The following CREB3L2 variants were observed in gnomAD, a reference collection of about 807,000 sequenced individuals.
CREB3L2 encodes the protein cyclic AMP-responsive element-binding protein 3-like protein 2.
A neutral mutation model predicts 57.2 loss-of-function variants in CREB3L2; 23 were observed. That is an observed-to-expected ratio of 0.40 (90% confidence interval 0.29 to 0.57). The LOEUF is 0.57. Among genes scored for constraint, CREB3L2 ranks in the 20% least tolerant of loss-of-function variants. The pLI, the probability that CREB3L2 is intolerant of heterozygous loss-of-function variation, is 0.42. For missense variants in CREB3L2, 628 were observed against 634.7 expected, an observed-to-expected ratio of 0.99 and a Z score of 0.11; for synonymous variants, 268 against 265.1, an observed-to-expected ratio of 1.01 and a Z score of -0.11.
At chr7:137,898,405 C>G (rs1426540490) in intron 8 of CREB3L2, among the ~76,000 whole-genome samples, 1 of 152,216 alleles carries the variant, frequency 6.6e-6, no homozygotes, top group Non-Finnish European at 1.5e-5. Flanking sequence ...AATCCCTCTG[C>G]TGGTATATAC....
At chr7:137,982,155 C>T (rs1281296312) in intron 1 of CREB3L2, among the ~76,000 whole-genome samples, 3 of 152,122 alleles carry the variant, frequency 2.0e-5, no homozygotes, top group Non-Finnish European at 4.4e-5. Flanking sequence ...GTCAGCAAAC[C>T]TTTTGAAAAT....
chr7:137,979,286 A>C (rs1449324348), intron 1 of CREB3L2, among the ~76,000 whole-genome samples: 6 of 152,148 alleles, frequency 3.9e-5, no homozygotes. Context: ...TTTTCCTTTT[A>C]GCCTGATTTT....
At chr7:137,894,401 T>A (rs1416013561) in intron 8 of CREB3L2, among the ~76,000 whole-genome samples, 1 of 152,154 alleles carries the variant, frequency 6.6e-6, no homozygotes, top group Non-Finnish European at 1.5e-5. Flanking sequence ...CTTCTATAAA[T>A]AAGGCTAAAT....
intron 1 of CREB3L2, among the ~76,000 whole-genome samples, chr7:137,977,824 G>C (rs2117310529): frequency 6.6e-6 from 1 of 152,198 alleles, no homozygotes; most frequent in Non-Finnish European, 1.5e-5. Context: ...GGGAGGCTGA[G>C]GCATGAGAAC....
chr7:137,952,666 AGAAG>A (rs1801124904), intron 1 of CREB3L2, among the ~76,000 whole-genome samples: 1 of 152,128 alleles, frequency 6.6e-6, no homozygotes, highest in African/African-American at 2.4e-5. Context: ...TACCACACCT[AGAAG>A]GAAGTGCTCA....
intron 1 of CREB3L2, among the ~76,000 whole-genome samples, chr7:137,993,606 A>C (rs1201050027): frequency 1.3e-5 from 2 of 152,034 alleles, no homozygotes; most frequent in Admixed American, 6.6e-5. Flanking sequence ...TGTAAACTCA[A>C]CCTCCTGGGC....
At chr7:137,887,686 G>A (rs1799449516) in intron 8 of CREB3L2, among the ~76,000 whole-genome samples, 1 of 151,702 alleles carries the variant, frequency 6.6e-6, no homozygotes, top group Non-Finnish European at 1.5e-5. Context: ...TCCAGCCCAG[G>A]CAACAGTGCG....
rs182307819 is a variant in CREB3L2 at position 137,885,319 on chromosome 7, C to A, written c.1143+84G>T. ...CCATGTGGTTTCTCCTACAGCACAG[C>A]ACTTGGCCTTGGCAAGTGGAGGGAG... On this transcript the variant is annotated intron_variant, in intron 9 of 11. Coordinates refer to ENST00000330387, the MANE Select transcript of CREB3L2 (RefSeq NM_194071.4). The A allele has an allele frequency of 5.2e-4, 672 of 1,300,996 alleles. 1 individual carries two copies. In the African/African-American group the frequency reaches 5.8e-3, roughly 11 times the overall value. 80.6% of individuals were successfully genotyped at this position (1,300,996 alleles called of 1,614,324 possible).
chr7:137,878,279 G>T lies in CREB3L2; in HGVS notation c.*2197C>A, dbSNP rs567365121. The T allele has an allele frequency of 3.0e-5, 7 of 232,886 alleles. No homozygotes were observed. Among genetic ancestry groups the T allele is most frequent in the Admixed American group, 2.3e-4 (4 of 17,770 alleles). 14.4% of individuals were successfully genotyped at this position (232,886 alleles called of 1,614,324 possible). ...CTGGGAGCCTTGAAAACCCAGTCTGGTTCAGTTGCAGCAGGTACATGGGTT... is the reference window on the plus strand; with the variant it reads ...CTGGGAGCCTTGAAAACCCAGTCTGTTTCAGTTGCAGCAGGTACATGGGTT... On this transcript the variant is annotated 3_prime_UTR_variant, in exon 12 of 12. Coordinates refer to ENST00000330387, the MANE Select transcript of CREB3L2 (RefSeq NM_194071.4).
intron 1 of CREB3L2, among the ~76,000 whole-genome samples, chr7:137,967,999 G>T (rs1801436504): frequency 1.3e-5 from 2 of 152,172 alleles, no homozygotes; most frequent in Non-Finnish European, 2.9e-5. Flanking sequence ...CCCATTTGTG[G>T]TTGAAGCACA....
intron 1 of CREB3L2, among the ~76,000 whole-genome samples, chr7:137,946,084 C>T (rs972329936): frequency 6.6e-6 from 1 of 152,162 alleles, no homozygotes; most frequent in African/African-American, 2.4e-5. Flanking sequence ...CCACACACTC[C>T]CTCCTGCCCA....
chr7:137,949,639 G>A (rs1016465584), intron 1 of CREB3L2, among the ~76,000 whole-genome samples: 8 of 152,088 alleles, frequency 5.3e-5, no homozygotes, highest in Non-Finnish European at 1.0e-4. Flanking sequence ...TAACACAGAC[G>A]TAAAGCTTGT....
rs1563246083 is a variant in CREB3L2, at chr7:137,903,959, T to C, written c.974A>G (p.Lys325Arg). 3 of 1,612,120 alleles carry C rather than the reference T, an allele frequency of 1.9e-6. No homozygotes were observed. Among genetic ancestry groups the C allele is most frequent in the Admixed American group, 1.7e-5 (1 of 59,980 alleles). ...KKEYMDSLEK[K>R]VESCSTENLE... ...CGCAACAGTTTGCCAGCAGGCTTAC[T>C]TTTTCTCCAGGCTGTCCATGTATTC... Residue 325 changes from lysine to arginine, a missense_variant and splice_region_variant, in exon 7 of 12, where the codon AAA (lysine) becomes AGA (arginine). By Grantham distance (26) the Lys-to-Arg change is conservative. Transcript: ENST00000330387.
intron 1 of CREB3L2, chr7:137,935,845 A>G (rs1800770068): frequency 5.4e-6 from 1 of 185,526 alleles, no homozygotes; most frequent in Admixed American, 6.5e-5. Context: ...TCCTTATAAG[A>G]ATTACTTATT....
chr7:137,899,061 G>GAAAGAAAGAA (rs777215459), intron 8 of CREB3L2, among the ~76,000 whole-genome samples: 1 of 137,228 alleles, frequency 7.3e-6, no homozygotes, highest in Non-Finnish European at 1.5e-5. Flanking sequence ...GAAAGAAAAA[G>GAAAGAAAGAA]AAAGAGAAAG....
rs548755100 is a variant in CREB3L2, at chr7:137,894,011, C to A, written c.1043+7343G>T. Among the ~76,000 whole-genome samples the A allele has an allele frequency of 2.0e-5, 3 of 152,340 alleles. No individual in the cohort carries two copies. The East Asian group carries it at 5.8e-4, about 29-fold the overall frequency. ...CAGAATTACTCCAGGCCTCAGCCTGCTCCACACCGTTGGAGAGAGACAGTC... is the reference window on the plus strand; with the variant it reads ...CAGAATTACTCCAGGCCTCAGCCTGATCCACACCGTTGGAGAGAGACAGTC... On this transcript the variant is annotated intron_variant, in intron 8 of 11. Transcript: ENST00000330387.
intron 10 of CREB3L2, among the ~76,000 whole-genome samples, chr7:137,883,714 C>T (rs185259692): frequency 2.0e-5 from 3 of 151,782 alleles, no homozygotes; most frequent in Admixed American, 2.0e-4. Flanking sequence ...TTTTTATTGG[C>T]TGCAGGTAGT....
chr7:137,980,467 G>A lies in CREB3L2; in HGVS notation c.102+21137C>T, dbSNP rs913788873. On this transcript the variant is annotated intron_variant, in intron 1 of 11. Coordinates refer to ENST00000330387, the MANE Select transcript of CREB3L2 (RefSeq NM_194071.4). This position sits in a 1 kb window ranked among gnomAD's most constrained non-coding sequence, Gnocchi z 4.3. ...TGGTCACCCAGGCTGAGTTATGCAA[G>A]TGACCACAGGCTCAGTTAAAAAGGT... is the stretch of plus-strand genomic sequence containing the variant. 6.6e-6 allele frequency among the ~76,000 whole-genome samples: 1 copy of A among 152,222 alleles called. No homozygotes were observed. Among genetic ancestry groups the A allele is most frequent in the Non-Finnish European group, 1.5e-5 (1 of 68,048 alleles).
rs1799139005 is a variant in CREB3L2, at chr7:137,875,900, A to C, written c.*4576T>G. The C allele has an allele frequency of 4.4e-6, 1 of 225,708 alleles. No individual in the cohort carries two copies. Among genetic ancestry groups the C allele is most frequent in the African/African-American group, 2.2e-5 (1 of 44,944 alleles). 14.0% of individuals were successfully genotyped at this position (225,708 alleles called of 1,614,324 possible). ...ACATTCCTGAATTTTATGTTGTCCA[A>C]AATAACAAAACAAAACAACACCTAG... is the stretch of plus-strand genomic sequence containing the variant. On this transcript the variant is annotated 3_prime_UTR_variant, in exon 12 of 12. Transcript: ENST00000330387.
Sources: gnomAD v4.1 joint callset for allele counts (sites outside exome capture counted in the v4.1 genomes callset) on GRCh38, gnomAD v4.1.1 for gene constraint, Gnocchi (gnomAD v3.1) non-coding constraint, MANE v1.5 for transcripts, NCBI Gene and HGNC (gene_info 2026-07-23, HGNC 2026-07-21) for gene names.